CIITA: variants seen among roughly 807,000 people sequenced by gnomAD.
The protein encoded by CIITA is class II major histocompatibility complex transactivator.
CIITA carries 72 observed loss-of-function variants against 115.1 expected under a neutral mutation model. That is an observed-to-expected ratio of 0.63 (90% CI 0.52 to 0.76). The LOEUF is 0.76. Ranked by LOEUF, CIITA falls within the 30% of genes least tolerant of loss-of-function variation. The pLI is 0.00. For missense variants in CIITA, 1,617 were observed against 1,463.8 expected (o/e 1.10, Z -1.71); for synonymous variants, 763 against 635.6 (o/e 1.20, Z -3.02).
chr16:10,906,401 A>G (rs2039153972), intron 10 of CIITA, 98 bp from the exon 11 acceptor site: 1 of 1,338,102 alleles, frequency 7.5e-7, no homozygotes, highest in East Asian at 2.4e-5. Flanking sequence ...TGTGTGGGGA[A>G]CAGATGTAAA....
At chr16:10,904,633 A>G (rs1259506816) in intron 9 of CIITA, 111 bp from the exon 10 acceptor site, 3 of 1,091,260 alleles carry the variant, frequency 2.7e-6, no homozygotes, top group African/African-American at 3.1e-5. Flanking sequence ...TATAACCTCC[A>G]TCTTGGGAAA....
At position 10,880,933 on chromosome 16, in the gene CIITA, C is replaced by T. The variant is rs576369467; in HGVS notation, c.52+3551C>T. On this transcript the variant is annotated intron_variant, in intron 1 of 19. Transcript: ENST00000324288. ...CTTTAGAAAACCACCAAAGAATATT[C>T]ATGCATTGGGAATAATTATTATAGA... 5.3e-5 allele frequency among the ~76,000 whole-genome samples: 8 copies of T among 152,290 alleles called. No homozygotes were observed. In the East Asian group the frequency reaches 5.8e-4, roughly 11 times the overall value.
In CIITA at chr16:10,906,815, G is replaced by A; in HGVS notation, c.1323G>A (p.Arg441=). The A allele has an allele frequency of 6.2e-7, 1 of 1,612,754 alleles. No individual in the cohort carries two copies. The highest frequency in any genetic ancestry group is 8.5e-7 in the Non-Finnish European group (1 of 1,180,028). Residue 441 remains arginine, a synonymous_variant, in exon 11 of 20, where the codon CGG becomes CGA. Coordinates refer to ENST00000324288, the MANE Select transcript of CIITA (RefSeq NM_000246.4). ...TGAGCCGGGCCTGGGCTTGTGGCCG[G>A]CTTCCCCAGTACGACTTTGTCTTCT... ...GAVSRAWACG[R]LPQYDFVFSV... is the part of the protein sequence containing the mutation.
chr16:10,936,873 T>C (rs1028003451), downstream of CIITA: 5 of 152,218 alleles, frequency 3.3e-5, no homozygotes, highest in African/African-American at 1.2e-4. Context: ...TGATCTTAGG[T>C]TTCCCAAAAG....
chr16:10,883,387 C>T (rs1432482876), intron 1 of CIITA, among the ~76,000 whole-genome samples: 1 of 152,172 alleles, frequency 6.6e-6, no homozygotes, highest in Non-Finnish European at 1.5e-5. Context: ...GGACAGGGAC[C>T]GAAGGTCTCC....
chr16:10,901,263 C>T lies in CIITA; in HGVS notation c.437-251C>T, dbSNP rs1308890090. 6.6e-6 allele frequency among the ~76,000 whole-genome samples: 1 copy of T among 152,122 alleles called. No homozygotes were observed. The highest frequency in any genetic ancestry group is 1.5e-5 in the Non-Finnish European group (1 of 68,026). ...TTTTGTTTTGTTTTGTTTTTTGGCT[C>T]AAACCCATGTTGTGTCCCCATTTGT... On this transcript the variant is annotated intron_variant, in intron 5 of 19. Coordinates refer to ENST00000324288, the MANE Select transcript of CIITA (RefSeq NM_000246.4). This position sits in a 1 kb window ranked among gnomAD's most constrained non-coding sequence, Gnocchi z 6.8.
chr16:10,909,279 G>T, intron 12 of CIITA, 92 bp downstream of exon 12: 2 of 1,371,966 alleles, frequency 1.5e-6, no homozygotes, highest in Non-Finnish European at 2.1e-6. Flanking sequence ...CATTTCCAGT[G>T]CCCCCTGTCC....
At chr16:10,866,698 G>A (rs2035090653) in intron 1 of CIITA, 1 of 379,078 alleles carries the variant, frequency 2.6e-6, no homozygotes, top group East Asian at 5.6e-5. Context: ...TGTCTAGTGA[G>A]CTGGCAGGAG....
Position 10,922,148 on chromosome 16 carries a change from T to C in CIITA, c.3150-19T>C, listed in dbSNP as rs1037567545. On this transcript the variant is annotated intron_variant, in intron 16 of 19. Coordinates refer to ENST00000324288, the MANE Select transcript of CIITA (RefSeq NM_000246.4). Reference sequence around the variant, plus strand: ...TGCACAGGCCTCCAATCCCTCCCCCTGGCCTCTGTTTCCGACAGCTTGTAC... The same window carrying C: ...TGCACAGGCCTCCAATCCCTCCCCCCGGCCTCTGTTTCCGACAGCTTGTAC... 5.6e-6 allele frequency: 9 copies of C among 1,612,324 alleles called. No homozygotes were observed. The East Asian group carries it at 2.0e-4, about 36-fold the overall frequency.
At chr16:10,874,943 T>C (rs968829235), upstream of CIITA, among the ~76,000 whole-genome samples, 7 of 152,148 alleles carry the variant, frequency 4.6e-5, no homozygotes, top group East Asian at 9.6e-4. Flanking sequence ...GGTCATAGGA[T>C]AATGAGACTT....
chr16:10,920,343 G>A lies in CIITA; in HGVS notation c.3149+1817G>A, dbSNP rs1399226997. Reference sequence around the variant, plus strand: ...GCTCACTGCAAGCACTGCCTCCTGGGTTCAAGTGATTCTCATGCCTCAGCC... The same window carrying A: ...GCTCACTGCAAGCACTGCCTCCTGGATTCAAGTGATTCTCATGCCTCAGCC... On this transcript the variant is annotated intron_variant, in intron 16 of 19. Coordinates refer to ENST00000324288, the MANE Select transcript of CIITA (RefSeq NM_000246.4). This position sits in a 1 kb window ranked among gnomAD's most constrained non-coding sequence, Gnocchi z 4.5. Among the ~76,000 whole-genome samples, 1 of 152,206 alleles carries A rather than the reference G, an allele frequency of 6.6e-6. No homozygotes were observed. The highest frequency in any genetic ancestry group is 1.9e-4 in the East Asian group (1 of 5,204).
At chr16:10,871,295 G>A (rs998479372) in intron 1 of CIITA, among the ~76,000 whole-genome samples, 29 of 152,192 alleles carry the variant, frequency 1.9e-4, no homozygotes, top group African/African-American at 6.3e-4. Context: ...AGCCCAACGT[G>A]CATGGTGGAA....
chr16:10,898,902 G>A, intron 4 of CIITA, 23 bp from the exon 5 acceptor site: 1 of 1,613,494 alleles, frequency 6.2e-7, no homozygotes, highest in South Asian at 1.1e-5. Flanking sequence ...GTGTGAGTTG[G>A]TCTCTGGTTT....
intron 11 of CIITA, chr16:10,908,815 C>T (rs762524667): frequency 1.9e-5 from 13 of 667,498 alleles, no homozygotes; most frequent in East Asian, 2.7e-5. Context: ...TTCCTGGTAG[C>T]CGAAGCAAAA....
In CIITA at chr16:10,879,342, G is replaced by A. The variant is rs568573223; in HGVS notation, c.52+1960G>A. 1.3e-5 allele frequency among the ~76,000 whole-genome samples: 2 copies of A among 152,242 alleles called. No homozygotes were observed. The highest frequency in any genetic ancestry group is 3.9e-4 in the East Asian group (2 of 5,164). On this transcript the variant is annotated intron_variant, in intron 1 of 19. Coordinates refer to ENST00000324288, the MANE Select transcript of CIITA (RefSeq NM_000246.4). The surrounding 1 kb of genome is among the most constrained non-coding windows in gnomAD (Gnocchi z 4.3). ...AGAAGCCGGAGCGCAGACTGGGAGC[G>A]CGGAGCAGACACACTCCCCCGGCCA...
chr16:10,907,660 C>T lies in CIITA; in HGVS notation c.2168C>T (p.Ala723Val). The change falls in exon 11 of 20, where the codon GCT (alanine) becomes GTT (valine). Residue 723 changes from alanine to valine, a missense_variant. Physicochemically the swap from Ala to Val is moderately conservative, Grantham distance 64. Coordinates refer to ENST00000324288, the MANE Select transcript of CIITA (RefSeq NM_000246.4). This position sits in a 1 kb window ranked among gnomAD's most constrained non-coding sequence, Gnocchi z 5.0. ...TGCTTCCTGGGGGCCCTGTGGCTGG[C>T]TCTGAGTGGCGAAATCAAGGACAAG... ...LQCFLGALWL[A>V]LSGEIKDKEL... The T allele has an allele frequency of 6.2e-7, 1 of 1,614,238 alleles. No homozygotes were observed. The highest frequency in any genetic ancestry group is 8.5e-7 in the Non-Finnish European group (1 of 1,180,036).
chr16:10,881,238 C>T (rs2036398624), intron 1 of CIITA, among the ~76,000 whole-genome samples: 1 of 151,600 alleles, frequency 6.6e-6, no homozygotes, highest in Admixed American at 6.6e-5. Flanking sequence ...TGGAGGTTAC[C>T]CGAGAGCTGA....
Position 10,902,104 on chromosome 16 carries a change from C to CCTGCCTGCCA in CIITA, c.557_566dup (p.Leu190ThrfsTer38). 6.2e-7 allele frequency: 1 copy of CCTGCCTGCCA among 1,614,164 alleles called. No homozygotes were observed. On this transcript the variant is annotated frameshift_variant, in exon 7 of 20. Transcript: ENST00000324288. LOFTEE classifies it high-confidence loss of function. ...CCAGTGAGCGACTGCTCCACCCTGC[C>CCTGCCTGCCA]CTGCCTGCCACTGCCTGCGCTGTTC...
rs1262807271 is a variant in CIITA, at chr16:10,929,775, A to G, written c.*5920A>G. On this transcript the variant is annotated 3_prime_UTR_variant, in exon 20 of 20. Coordinates refer to ENST00000324288, the MANE Select transcript of CIITA (RefSeq NM_000246.4). This position sits in a 1 kb window ranked among gnomAD's most constrained non-coding sequence, Gnocchi z 4.3. ...AAAACTCTTTTTAATGAATTTGCCTAATTTCTCAGAGACCCTGGGCTGGAG... is the reference window on the plus strand; with the variant it reads ...AAAACTCTTTTTAATGAATTTGCCTGATTTCTCAGAGACCCTGGGCTGGAG... The G allele has an allele frequency of 6.3e-6, 1 of 159,612 alleles. No individual in the cohort carries two copies. Among genetic ancestry groups the G allele is most frequent in the East Asian group, 1.9e-4 (1 of 5,224 alleles). 9.9% of individuals were successfully genotyped at this position (159,612 alleles called of 1,614,324 possible).
Sources: allele counts gnomAD v4.1 joint callset (sites outside exome capture counted in the v4.1 genomes callset), GRCh38; gene constraint gnomAD v4.1.1; non-coding constraint Gnocchi (gnomAD v3.1); transcripts MANE v1.5; gene names NCBI Gene and HGNC (gene_info 2026-07-23, HGNC 2026-07-21).